Variants in COG3 observed in about 807,000 individuals in gnomAD.
The protein encoded by COG3 is component of oligomeric golgi complex 3, also known as conserved oligomeric Golgi complex subunit 3.
A neutral mutation model predicts 114.1 loss-of-function variants in COG3; 32 were observed. The ratio of observed to expected loss-of-function variants is 0.28; its 90% CI spans 0.21 to 0.38. COG3 has a LOEUF of 0.38. Among genes scored for constraint, COG3 ranks in the 10% least tolerant of loss-of-function variants. The pLI is 1.00. For missense variants in COG3, 813 were observed against 973.2 expected, an observed-to-expected ratio of 0.84 and a Z score of 2.19; for synonymous variants, 352 against 365.7, an observed-to-expected ratio of 0.96 and a Z score of 0.43.
intron 20 of COG3, among the ~76,000 whole-genome samples, chr13:45,526,589 A>G (rs1261870273): frequency 2.0e-5 from 3 of 152,192 alleles, no homozygotes; most frequent in African/African-American, 4.8e-5. Context: ...TTTGACTGCA[A>G]ATAAACTTTG....
In COG3 at chr13:45,464,984, C is replaced by T. The variant is rs919760306; in HGVS notation, c.-53C>T. 13 of 1,527,430 alleles carry T rather than the reference C, an allele frequency of 8.5e-6. No homozygotes were observed. In the East Asian group the frequency reaches 2.9e-4, roughly 35 times the overall value. The allele number at this position is 1,527,430 out of a possible 1,614,324, so 94.6% of individuals were successfully genotyped here. ...TCTCCCGGAAGTGGCCCAGGTCTCTCTGTCGGGGTCCCCTCCATCTCGCTG... is the reference window on the plus strand; with the variant it reads ...TCTCCCGGAAGTGGCCCAGGTCTCTTTGTCGGGGTCCCCTCCATCTCGCTG... On this transcript the variant is annotated 5_prime_UTR_variant, in exon 1 of 23. Coordinates refer to ENST00000349995, the MANE Select transcript of COG3 (RefSeq NM_031431.4).
In COG3 at chr13:45,516,175, G is replaced by T. The variant is rs1485251609; in HGVS notation, c.1842G>T (p.Lys614Asn). Residue 614 changes from lysine to asparagine, a missense_variant, in exon 17 of 23, where the codon AAG becomes AAT. Physicochemically the swap from Lys to Asn is moderately conservative, Grantham distance 94 (BLOSUM62 0). Transcript: ENST00000349995. ...TQIDGQLFLIKHLLILREQIA... is the reference protein window; with the variant it reads ...TQIDGQLFLINHLLILREQIA... Reference sequence around the variant, plus strand: ...TTGATGGACAACTTTTCTTAATTAAGCACCTTTTGATACTTCGTGAACAAA... The same window carrying T: ...TTGATGGACAACTTTTCTTAATTAATCACCTTTTGATACTTCGTGAACAAA... 1 of 1,592,178 alleles carries T rather than the reference G, an allele frequency of 6.3e-7. No individual in the cohort carries two copies. The highest frequency in any genetic ancestry group is 8.6e-7 in the Non-Finnish European group (1 of 1,164,254).
intron 7 of COG3, among the ~76,000 whole-genome samples, chr13:45,486,183 C>G (rs908632081): frequency 6.9e-6 from 1 of 144,470 alleles, no homozygotes; most frequent in East Asian, 2.0e-4. Flanking sequence ...TGCCTGCAAT[C>G]GCAGGCATTC....
chr13:45,492,454 T>C (rs1887072963), intron 11 of COG3, among the ~76,000 whole-genome samples: 1 of 152,154 alleles, frequency 6.6e-6, no homozygotes, highest in South Asian at 2.1e-4. Context: ...GCTTTTGTAT[T>C]GTTTGTAATG....
chr13:45,523,243 C>T (rs988912722), intron 19 of COG3, among the ~76,000 whole-genome samples: 23 of 150,594 alleles, frequency 1.5e-4, no homozygotes, highest in African/African-American at 5.1e-4. Flanking sequence ...TTGATTATTA[C>T]GAGTTTATTC....
chr13:45,476,184 G>A lies in COG3; in HGVS notation c.175-17G>A, dbSNP rs201889568. The A allele has an allele frequency of 7.6e-5, 123 of 1,612,108 alleles. No homozygotes were observed. The highest frequency in any genetic ancestry group is 9.8e-5 in the Non-Finnish European group (116 of 1,179,316). On this transcript the variant is annotated splice_polypyrimidine_tract_variant and intron_variant, in intron 1 of 22. Coordinates refer to ENST00000349995, the MANE Select transcript of COG3 (RefSeq NM_031431.4). ...TTTCAAGTCACTTAAATATCTTTGT[G>A]ACTCTCTTTTTTCAAGCTTCCAATT... is the stretch of plus-strand genomic sequence containing the variant.
chr13:45,532,490 C>T (rs1327360847), intron 22 of COG3, among the ~76,000 whole-genome samples: 1 of 151,222 alleles, frequency 6.6e-6, no homozygotes, highest in Non-Finnish European at 1.5e-5. Context: ...CTTTTCCGAT[C>T]CCCTCCAGCC....
intron 20 of COG3, among the ~76,000 whole-genome samples, chr13:45,526,372 C>T (rs571706241): frequency 4.9e-4 from 74 of 152,098 alleles, no homozygotes; most frequent in Middle Eastern, 3.4e-3. Context: ...AGGCCTGAGC[C>T]ACCATGCCTG....
chr13:45,514,900 G>C (rs1003541846), intron 16 of COG3, among the ~76,000 whole-genome samples: 1 of 151,914 alleles, frequency 6.6e-6, no homozygotes, highest in African/African-American at 2.4e-5. Context: ...CGACTGTCTC[G>C]GCCTCCCAAA....
chr13:45,519,036 A>G lies in COG3; in HGVS notation c.2096A>G (p.Gln699Arg). ...VDRHLKSACE[Q>R]FIQQQTKLFV... is the part of the protein sequence containing the mutation. ...CGTCATCTGAAATCGGCCTGTGAGCAGTTTATTCAGCAGCAGACCAAGCTG... is the reference window on the plus strand; with the variant it reads ...CGTCATCTGAAATCGGCCTGTGAGCGGTTTATTCAGCAGCAGACCAAGCTG... Residue 699 changes from glutamine to arginine, a missense_variant, in exon 19 of 23, where the codon CAG (glutamine) becomes CGG (arginine). Around this residue, in one of 2 missense-constraint regions of COG3, gnomAD observed 389 missense variants for 542.6 expected, o/e 0.72. Coordinates refer to ENST00000349995, the MANE Select transcript of COG3 (RefSeq NM_031431.4). 1 of 1,614,230 alleles carries G rather than the reference A, an allele frequency of 6.2e-7. No homozygotes were observed. Among genetic ancestry groups the G allele is most frequent in the Middle Eastern group, 1.6e-4 (1 of 6,062 alleles).
chr13:45,524,247 G>A (rs1476511697), intron 19 of COG3, among the ~76,000 whole-genome samples: 1 of 152,194 alleles, frequency 6.6e-6, no homozygotes, highest in Non-Finnish European at 1.5e-5. Context: ...GCACATGACT[G>A]TCTATTTTAA....
chr13:45,504,301 C>T (rs1234474310), intron 14 of COG3, among the ~76,000 whole-genome samples: 5 of 152,320 alleles, frequency 3.3e-5, no homozygotes, highest in Non-Finnish European at 2.9e-5. Flanking sequence ...TTATCATGCT[C>T]GCCCTATAGG....
At chr13:45,529,093 T>A (rs1872943551) in intron 20 of COG3, among the ~76,000 whole-genome samples, 2 of 152,186 alleles carry the variant, frequency 1.3e-5, no homozygotes, top group Admixed American at 1.3e-4. Context: ...TCTGTAAATA[T>A]CTCACTGCTT....
chr13:45,475,576 T>C (rs922560162), intron 1 of COG3, among the ~76,000 whole-genome samples: 1 of 152,184 alleles, frequency 6.6e-6, no homozygotes, highest in Non-Finnish European at 1.5e-5. Flanking sequence ...CTACTTTCAA[T>C]AGCACATAGG....
chr13:45,499,402 G>A (rs7321419), intron 13 of COG3, among the ~76,000 whole-genome samples: 23,497 of 152,138 alleles, frequency 0.15, 3,000 homozygotes, highest in African/African-American at 0.35. Flanking sequence ...GCTGTCAGAC[G>A]TTTGATTCTA....
chr13:45,530,970 CA>C (rs1037956940), intron 22 of COG3, 190 bp downstream of exon 22: 1 of 983,302 alleles, frequency 1.0e-6, no homozygotes, highest in Admixed American at 6.2e-5. Context: ...TTAGAATTTT[CA>C]GTTAATCTCA....
intron 13 of COG3, among the ~76,000 whole-genome samples, chr13:45,502,891 T>A (rs1162924547): frequency 6.6e-6 from 1 of 152,340 alleles, no homozygotes; most frequent in East Asian, 1.9e-4. Context: ...TATTTCCACC[T>A]TTATAATTAA....
intron 22 of COG3, chr13:45,532,128 T>A (rs565916501): frequency 6.6e-6 from 1 of 152,336 alleles, no homozygotes; most frequent in East Asian, 1.9e-4. Flanking sequence ...CTCATATCGC[T>A]GCTTGTTTCA....
At chr13:45,531,113 A>G in intron 22 of COG3, 1 of 968,054 alleles carries the variant, frequency 1.0e-6, no homozygotes. Flanking sequence ...ATAATAAGAG[A>G]AATACATTTT....
Sources: allele counts gnomAD v4.1 joint callset (sites outside exome capture counted in the v4.1 genomes callset), GRCh38; gene constraint gnomAD v4.1.1; regional missense constraint gnomAD v4.1.1; transcripts MANE v1.5; gene names NCBI Gene and HGNC (gene_info 2026-07-23, HGNC 2026-07-21).